OPHN1: variants seen among roughly 807,000 people sequenced by gnomAD.
The protein encoded by OPHN1 is oligophrenin-1.
OPHN1 carries 11 observed loss-of-function variants against 60.7 expected under a neutral mutation model. The observed-to-expected ratio is 0.18, with a 90% CI of 0.11 to 0.30. OPHN1 has a LOEUF of 0.30. Among genes scored for constraint, OPHN1 ranks in the 10% least tolerant of loss-of-function variants. The probability of loss-of-function intolerance (pLI) is 1.00; values close to 1 mark genes in which losing one functional copy is unlikely to be tolerated. For missense variants in OPHN1, 449 were observed against 611.0 expected (o/e 0.73, Z 2.80); for synonymous variants, 226 against 222.6 (o/e 1.02, Z -0.14).
intron 15 of OPHN1, among the ~76,000 whole-genome samples, chrX:68,148,286 C>T (rs2077271804): frequency 9.0e-6 from 1 of 111,124 alleles, no homozygotes; most frequent in Non-Finnish European, 1.9e-5. Context: ...GTATACTATC[C>T]CAAAGCTAGT....
intron 10 of OPHN1, among the ~76,000 whole-genome samples, chrX:68,203,475 C>G (rs1569241927): frequency 9.0e-6 from 1 of 110,978 alleles, no homozygotes; most frequent in African/African-American, 3.3e-5. Flanking sequence ...CTTGCTCCTG[C>G]ACTATAACAA....
chrX:68,318,566 A>T (rs1387066442), intron 2 of OPHN1, among the ~76,000 whole-genome samples: 1 of 112,625 alleles, frequency 8.9e-6, no homozygotes, highest in East Asian at 2.8e-4. Context: ...GAAGAATTTC[A>T]AAGAGAGTAC....
At chrX:68,072,145 G>A (rs1174003079) in intron 20 of OPHN1, among the ~76,000 whole-genome samples, 1 of 112,067 alleles carries the variant, frequency 8.9e-6, no homozygotes, top group Non-Finnish European at 1.9e-5. Context: ...ACCAGAGTAG[G>A]AGCAGGTTAA....
chrX:68,105,275 A>C (rs752697041), intron 18 of OPHN1, among the ~76,000 whole-genome samples: 14 of 111,111 alleles, frequency 1.3e-4, no homozygotes, highest in Non-Finnish European at 2.6e-4. Flanking sequence ...TAGAACCTGA[A>C]ATACCATTTG....
chrX:68,341,504 GA>G (rs1255863405), intron 2 of OPHN1, among the ~76,000 whole-genome samples: 1 of 111,384 alleles, frequency 9.0e-6, no homozygotes, highest in Non-Finnish European at 1.9e-5. Context: ...GGAAATTGTA[GA>G]AAGAAAAAGG....
chrX:68,216,016 T>C (rs1448817657), intron 6 of OPHN1, among the ~76,000 whole-genome samples: 4 of 111,930 alleles, frequency 3.6e-5, no homozygotes, highest in Non-Finnish European at 7.5e-5. Flanking sequence ...AGAATTTGTC[T>C]ATAATAATAA....
At chrX:68,375,037 C>T (rs982738734) in intron 2 of OPHN1, among the ~76,000 whole-genome samples, 1 of 112,147 alleles carries the variant, frequency 8.9e-6, no homozygotes, top group Non-Finnish European at 1.9e-5. Flanking sequence ...ATTGTCACAG[C>T]CACTCTAGAA....
chrX:68,333,606 G>A (rs2078306359), intron 2 of OPHN1, among the ~76,000 whole-genome samples: 1 of 110,711 alleles, frequency 9.0e-6, no homozygotes, highest in Non-Finnish European at 1.9e-5. Context: ...TTGCACTCCA[G>A]CCTGGGCAAC....
At chrX:68,066,310 C>CT (rs1277394736) in intron 20 of OPHN1, among the ~76,000 whole-genome samples, 4 of 111,803 alleles carry the variant, frequency 3.6e-5, no homozygotes, top group Non-Finnish European at 7.5e-5. Flanking sequence ...TCTGCTCTCC[C>CT]TTAGGGAAAT....
At chrX:68,167,541 G>A (rs11094068) in intron 15 of OPHN1, among the ~76,000 whole-genome samples, 38,992 of 109,385 alleles carry the variant, frequency 0.36, 5,693 homozygotes, top group African/African-American at 0.53. Flanking sequence ...GTATATGTGT[G>A]TATATGTATG....
Position 68,206,725 on chromosome X carries a change from G to A in OPHN1, c.833-52C>T, listed in dbSNP as rs752163779. On this transcript the variant is annotated intron_variant, in intron 9 of 24. Transcript: ENST00000355520. ...ACAGAATAACTATTTTAGCTGTATA[G>A]GAAGTCAACCCTAAGATGGAAGCTA... 3 of 917,808 alleles carry A rather than the reference G, an allele frequency of 3.3e-6. No homozygotes were observed. In the Admixed American group the frequency reaches 6.6e-5, roughly 20 times the overall value. 75.6% of individuals were successfully genotyped at this position (917,808 alleles called of 1,213,427 possible). A position where few individuals can be genotyped will look rare whatever the true frequency, so the allele number is the denominator to read the frequency against.
chrX:68,270,387 C>T (rs1276739515), intron 5 of OPHN1, among the ~76,000 whole-genome samples: 1 of 110,667 alleles, frequency 9.0e-6, no homozygotes, highest in Non-Finnish European at 1.9e-5. Flanking sequence ...GGCACATATA[C>T]ACCATGGAAT....
chrX:68,263,628 T>C (rs1408406486), intron 5 of OPHN1, among the ~76,000 whole-genome samples: 1 of 111,745 alleles, frequency 8.9e-6, no homozygotes, highest in Non-Finnish European at 1.9e-5. Context: ...ATTAAATAAC[T>C]ATCTGTATAT....
At chrX:68,174,674 A>G (rs764105173) in intron 15 of OPHN1, among the ~76,000 whole-genome samples, 2 of 109,301 alleles carry the variant, frequency 1.8e-5, no homozygotes, top group South Asian at 7.9e-4. Context: ...GTCTCCCTAC[A>G]TTGCCCAAAC....
intron 12 of OPHN1, among the ~76,000 whole-genome samples, chrX:68,195,806 T>C (rs5964649): frequency 0.057 from 6,395 of 111,809 alleles, 458 homozygotes; most frequent in African/African-American, 0.2. Flanking sequence ...GCTACTTTTC[T>C]AAACAAGGGA....
intron 12 of OPHN1, among the ~76,000 whole-genome samples, chrX:68,196,530 T>C (rs1489217774): frequency 1.8e-5 from 2 of 112,319 alleles, no homozygotes; most frequent in African/African-American, 3.2e-5. Flanking sequence ...GAAGCTGATA[T>C]TATTTAATAT....
chrX:68,319,113 C>T (rs2078223187), intron 2 of OPHN1, among the ~76,000 whole-genome samples: 1 of 111,806 alleles, frequency 8.9e-6, no homozygotes, highest in African/African-American at 3.3e-5. Flanking sequence ...AAGAAAATCA[C>T]CATGTGCAGT....
At chrX:68,256,497 C>A (rs1027632302) in intron 5 of OPHN1, among the ~76,000 whole-genome samples, 5 of 111,544 alleles carry the variant, frequency 4.5e-5, no homozygotes, top group African/African-American at 1.6e-4. Flanking sequence ...TATATCATTA[C>A]CAAAGTCCCT....
intron 2 of OPHN1, among the ~76,000 whole-genome samples, chrX:68,310,508 C>T (rs2078167885): frequency 9.0e-6 from 1 of 110,643 alleles, no homozygotes; most frequent in East Asian, 2.8e-4. Flanking sequence ...AAACAACTGC[C>T]ACCCAGAACT....
Sources: allele counts gnomAD v4.1 joint callset (sites outside exome capture counted in the v4.1 genomes callset), GRCh38; gene constraint gnomAD v4.1.1; transcripts MANE v1.5; gene names NCBI Gene and HGNC (gene_info 2026-07-23, HGNC 2026-07-21).